EFL1: variants seen among roughly 807,000 people sequenced by gnomAD.
EFL1 encodes elongation factor like GTPase 1.
A neutral mutation model predicts 126.7 loss-of-function variants in EFL1; 76 were observed. The ratio of observed to expected loss-of-function variants is 0.60; its 90% CI spans 0.50 to 0.73. EFL1 has a LOEUF of 0.73. EFL1 is among the 30% of genes least tolerant of loss of function. EFL1 has a pLI of 0.00. For synonymous variants in EFL1, 410 were observed against 448.4 expected (o/e 0.91, Z 1.08); for missense variants, 1,128 against 1,343.2 (o/e 0.84, Z 2.50).
At chr15:82,146,988 T>C (rs1327163463) in intron 18 of EFL1, among the ~76,000 whole-genome samples, 2 of 152,004 alleles carry the variant, frequency 1.3e-5, no homozygotes, top group Non-Finnish European at 2.9e-5. Context: ...ACAAATGATA[T>C]TTTGAGGTAT....
At chr15:82,146,052 A>G (rs1169151129) in intron 18 of EFL1, among the ~76,000 whole-genome samples, 1 of 152,098 alleles carries the variant, frequency 6.6e-6, no homozygotes, top group Non-Finnish European at 1.5e-5. Flanking sequence ...GGGAAATTTC[A>G]TGAGTAAAAA....
In EFL1 at chr15:82,214,757, T is replaced by C; in HGVS notation, c.1710A>G (p.Glu570=). ...GAGGTACCTCCTCTAGATATTCCAGTTCCCTTCCCATCAGAAGATACAGGT... is the reference window on the plus strand; with the variant it reads ...GAGGTACCTCCTCTAGATATTCCAGCTCCCTTCCCATCAGAAGATACAGGT... ...LENLYLLMGR[E]LEYLEEVPPG... Residue 570 remains glutamate, a synonymous_variant, in exon 15 of 20, where the codon GAA becomes GAG. Coordinates refer to ENST00000268206, the MANE Select transcript of EFL1 (RefSeq NM_024580.6). 3.1e-6 allele frequency: 5 copies of C among 1,599,434 alleles called. No homozygotes were observed. In the South Asian group the frequency reaches 5.6e-5, roughly 18 times the overall value.
At chr15:82,144,983 C>G (rs145599402) in intron 18 of EFL1, among the ~76,000 whole-genome samples, 3,029 of 148,906 alleles carry the variant, frequency 0.02, 48 homozygotes, top group Non-Finnish European at 0.032. Context: ...CAGAGCAAGA[C>G]TCCAACTCAA....
At chr15:82,227,700 A>G (rs2074779326) in intron 10 of EFL1, 128 bp from the exon 11 acceptor site, 1 of 1,277,366 alleles carries the variant, frequency 7.8e-7, no homozygotes, top group Non-Finnish European at 1.1e-6. Context: ...GCTACAAGGC[A>G]ACACTGCTTT....
chr15:82,189,858 G>GT (rs2074340148), intron 15 of EFL1, among the ~76,000 whole-genome samples: 1 of 152,110 alleles, frequency 6.6e-6, no homozygotes, highest in African/African-American at 2.4e-5. Flanking sequence ...GCTCACGCCT[G>GT]TAATCCCAGC....
chr15:82,200,548 A>C (rs1372937647), intron 15 of EFL1, among the ~76,000 whole-genome samples: 1 of 151,080 alleles, frequency 6.6e-6, no homozygotes, highest in East Asian at 1.9e-4. Flanking sequence ...GATACTCAGA[A>C]TATTTCTGCT....
At chr15:82,240,349 C>G (rs916640504) in intron 6 of EFL1, 69 bp downstream of exon 6, 2 of 1,471,470 alleles carry the variant, frequency 1.4e-6, no homozygotes, top group Admixed American at 2.2e-5. Flanking sequence ...ACGGCTCATA[C>G]CCAGCTCAGT....
At chr15:82,161,440 C>G (rs2074023306) in intron 16 of EFL1, among the ~76,000 whole-genome samples, 1 of 152,084 alleles carries the variant, frequency 6.6e-6, no homozygotes, top group Admixed American at 6.6e-5. Flanking sequence ...GAAGTTTCCC[C>G]AGACATTCTG....
chr15:82,173,339 T>C (rs374386430), intron 15 of EFL1, among the ~76,000 whole-genome samples: 16 of 152,278 alleles, frequency 1.1e-4, no homozygotes, highest in South Asian at 2.1e-4. Flanking sequence ...TTTTAAAGCA[T>C]TGGAAGACAA....
chr15:82,210,009 G>A (rs533804859), intron 15 of EFL1, among the ~76,000 whole-genome samples: 18 of 152,232 alleles, frequency 1.2e-4, no homozygotes, highest in East Asian at 1.2e-3. Context: ...TATGGGTACC[G>A]ATCATATTGG....
intron 15 of EFL1, among the ~76,000 whole-genome samples, chr15:82,180,359 C>CAAAAAAA (rs71156028): frequency 8.3e-6 from 1 of 120,608 alleles, no homozygotes; most frequent in Non-Finnish European, 1.7e-5. Flanking sequence ...ATTAAACTGG[C>CAAAAAAA]AAAAAAAAAA....
chr15:82,138,198 A>C (rs1019764702), intron 19 of EFL1, among the ~76,000 whole-genome samples: 1 of 152,196 alleles, frequency 6.6e-6, no homozygotes, highest in East Asian at 1.9e-4. Context: ...TATACAGTAC[A>C]TAATAATTTA....
At position 82,138,772 on chromosome 15, in the gene EFL1, G is replaced by A. The variant is rs2073753067; in HGVS notation, c.3060C>T (p.Asp1020=). 6.2e-7 allele frequency: 1 copy of A among 1,614,040 alleles called. No homozygotes were observed. ...GCAGCACAGCCTTGATGATGAACAT[G>A]TCTGTCCCTTCTTTCATTTCTTCTT... The part of the protein sequence containing the change: ...VLQEEMKEGT[D]MFIIKAVLPV... Residue 1020 remains aspartate (D), a synonymous_variant, in exon 19 of 20, where the codon GAC becomes GAT. Transcript: ENST00000268206.
chr15:82,256,545 C>T (rs898344107), intron 3 of EFL1, among the ~76,000 whole-genome samples: 4 of 152,200 alleles, frequency 2.6e-5, no homozygotes, highest in African/African-American at 9.7e-5. Context: ...AAGGGTGTGA[C>T]AGCCATTCTT....
chr15:82,228,212 G>A lies in EFL1; in HGVS notation c.1048C>T (p.Pro350Ser). The A allele has an allele frequency of 1.2e-6, 2 of 1,613,330 alleles. No homozygotes were observed. The highest frequency in any genetic ancestry group is 1.7e-6 in the Non-Finnish European group (2 of 1,179,820). ...ATACCAAGAACAGCATGGGATATGG[G>A]TAGCCACTGACTGCAAATGGCGTTG... is the stretch of plus-strand genomic sequence containing the variant. ...QINAICSQWL[P>S]ISHAVLAMVC... is the part of the protein sequence containing the mutation. The change falls in exon 10 of 20, where the codon CCC (proline) becomes TCC (serine). Residue 350 changes from proline to serine, a missense_variant. Transcript: ENST00000268206.
intron 4 of EFL1, among the ~76,000 whole-genome samples, chr15:82,247,867 A>G (rs1341532289): frequency 1.3e-5 from 2 of 152,026 alleles, no homozygotes; most frequent in African/African-American, 4.8e-5. Flanking sequence ...GTGACTGAAG[A>G]CCACAGGGAC....
chr15:82,135,760 G>A (rs1567035599), intron 19 of EFL1, among the ~76,000 whole-genome samples: 1 of 152,168 alleles, frequency 6.6e-6, no homozygotes, highest in African/African-American at 2.4e-5. Flanking sequence ...GTGAAGTGAT[G>A]TGTGCAAGAT....
At chr15:82,191,896 TAAC>T (rs1215262048) in intron 15 of EFL1, among the ~76,000 whole-genome samples, 7 of 152,182 alleles carry the variant, frequency 4.6e-5, no homozygotes, top group South Asian at 4.2e-4. Context: ...AGCGATAAAA[TAAC>T]AACAATGAAC....
At chr15:82,222,171 C>T (rs754662741) in intron 12 of EFL1, among the ~76,000 whole-genome samples, 21 of 152,304 alleles carry the variant, frequency 1.4e-4, no homozygotes, top group African/African-American at 4.8e-4. Flanking sequence ...GATCCAGAGA[C>T]TGTTAATCAC....
Sources: gnomAD v4.1 joint callset for allele counts (sites outside exome capture counted in the v4.1 genomes callset) on GRCh38, gnomAD v4.1.1 for gene constraint, MANE v1.5 for transcripts, NCBI Gene and HGNC (gene_info 2026-07-23, HGNC 2026-07-21) for gene names.